Variants in NPAS3 observed in about 807,000 individuals in gnomAD.
NPAS3 encodes the protein neuronal PAS domain-containing protein 3.
A neutral mutation model predicts 73.1 loss-of-function variants in NPAS3; 14 were observed. The ratio of observed to expected loss-of-function variants is 0.19; its 90% CI spans 0.13 to 0.30. The LOEUF (loss-of-function observed/expected upper bound fraction) is 0.30. NPAS3 is among the 10% of genes least tolerant of loss of function. The pLI is 1.00. For synonymous variants in NPAS3, 620 were observed against 541.5 expected (o/e 1.14, Z -2.01); for missense variants, 1,096 against 1,250.0 (o/e 0.88, Z 1.86).
intron 3 of NPAS3, among the ~76,000 whole-genome samples, chr14:33,335,030 TTGTGTGTGTGTGCGTG>T (rs1490158511): frequency 2.1e-5 from 3 of 144,150 alleles, no homozygotes; most frequent in Non-Finnish European, 3.0e-5. Context: ...TGGTATTCCA[TTGTGTGTGTGTGCGTG>T]TGTGTGTGTG....
intron 2 of NPAS3, among the ~76,000 whole-genome samples, chr14:33,137,882 A>C (rs1239289869): frequency 3.3e-5 from 5 of 152,150 alleles, no homozygotes; most frequent in African/African-American, 1.2e-4. Flanking sequence ...TGTGAAATAG[A>C]CTAGAGATTC....
chr14:33,276,655 G>A (rs1316690788), intron 3 of NPAS3, among the ~76,000 whole-genome samples: 1 of 151,580 alleles, frequency 6.6e-6, no homozygotes, highest in African/African-American at 2.4e-5. Flanking sequence ...TAAAATGAGT[G>A]TAATAATGGC....
intron 1 of NPAS3, among the ~76,000 whole-genome samples, chr14:33,049,259 C>T (rs909703439): frequency 6.6e-6 from 1 of 152,224 alleles, no homozygotes. Flanking sequence ...TTTTACATCA[C>T]CATCTCTAAC....
At chr14:33,110,966 AG>A (rs561793733) in intron 2 of NPAS3, among the ~76,000 whole-genome samples, 36 of 152,234 alleles carry the variant, frequency 2.4e-4, no homozygotes, top group Non-Finnish European at 4.4e-4. Context: ...GGATGGAGGG[AG>A]CTAAAACTGA....
Position 33,630,730 on chromosome 14 carries a change from C to T in NPAS3, c.559-45481C>T, listed in dbSNP as rs1017775231. Among the ~76,000 whole-genome samples, 5 of 152,006 alleles carry T rather than the reference C, an allele frequency of 3.3e-5. No individual in the cohort carries two copies. The South Asian group carries it at 8.3e-4, about 25-fold the overall frequency. On this transcript the variant is annotated intron_variant, in intron 5 of 11. Coordinates refer to ENST00000356141, the Ensembl canonical transcript of NPAS3. ...TGTCAAATAATGAATCAATATATGC[C>T]CCCCCAGGATGGAGAAGGGAGGGCT...
intron 4 of NPAS3, among the ~76,000 whole-genome samples, chr14:33,530,115 A>G (rs764263858): frequency 1.3e-5 from 2 of 152,142 alleles, no homozygotes; most frequent in Non-Finnish European, 2.9e-5. Flanking sequence ...TATTTAATGC[A>G]TAAAATATGT....
intron 3 of NPAS3, among the ~76,000 whole-genome samples, chr14:33,261,457 A>T (rs1185286927): frequency 1.3e-5 from 2 of 152,174 alleles, no homozygotes; most frequent in Non-Finnish European, 2.9e-5. Context: ...GGCAATGAAC[A>T]TCCATTGTAC....
At chr14:33,436,284 A>G (rs113849493) in intron 4 of NPAS3, among the ~76,000 whole-genome samples, 9 of 152,348 alleles carry the variant, frequency 5.9e-5, no homozygotes, top group African/African-American at 2.2e-4. Flanking sequence ...CAAATTAAAC[A>G]TAGACATGTG....
At chr14:33,427,112 CAG>C (rs2048586051) in intron 4 of NPAS3, among the ~76,000 whole-genome samples, 5 of 151,968 alleles carry the variant, frequency 3.3e-5, no homozygotes. Context: ...CTTATCCTAG[CAG>C]AGAGATAGTT....
chr14:33,695,363 G>C (rs2060348410), intron 6 of NPAS3, among the ~76,000 whole-genome samples: 2 of 152,144 alleles, frequency 1.3e-5, no homozygotes, highest in Admixed American at 6.5e-5. Flanking sequence ...AGTTAGAAAA[G>C]TTTGTTTCCC....
At chr14:33,352,397 A>G (rs4982080) in intron 3 of NPAS3, among the ~76,000 whole-genome samples, 92,246 of 152,096 alleles carry the variant, frequency 0.61, 28,470 homozygotes, top group African/African-American at 0.69. Flanking sequence ...GAGATTAAAA[A>G]TTAAGATTGA....
intron 6 of NPAS3, among the ~76,000 whole-genome samples, chr14:33,699,427 A>T (rs1398907498): frequency 6.6e-6 from 1 of 152,144 alleles, no homozygotes; most frequent in South Asian, 2.1e-4. Flanking sequence ...AAGTTCTGGG[A>T]GCTCAGGAAA....
At chr14:33,190,462 C>G (rs1202977831) in intron 2 of NPAS3, among the ~76,000 whole-genome samples, 2 of 152,184 alleles carry the variant, frequency 1.3e-5, no homozygotes, top group Admixed American at 6.5e-5. Context: ...TTATATTTCT[C>G]TGTCTTGTTT....
At chr14:33,507,503 C>T (rs1331197523) in intron 4 of NPAS3, among the ~76,000 whole-genome samples, 3 of 151,850 alleles carry the variant, frequency 2.0e-5, no homozygotes, top group Non-Finnish European at 2.9e-5. Context: ...GTATTTTGTT[C>T]TCTGAATTGT....
chr14:33,182,079 A>G (rs2045818401), intron 2 of NPAS3, among the ~76,000 whole-genome samples: 1 of 152,164 alleles, frequency 6.6e-6, no homozygotes, highest in African/African-American at 2.4e-5. Context: ...TCCTTCCCCT[A>G]GATACCAGGC....
intron 1 of NPAS3, among the ~76,000 whole-genome samples, chr14:33,033,721 A>G (rs1458410592): frequency 1.3e-5 from 2 of 152,146 alleles, no homozygotes; most frequent in Non-Finnish European, 2.9e-5. Context: ...TTCCACAGCT[A>G]TATCAGTTAC....
At chr14:33,657,642 T>A (rs2059182998) in intron 5 of NPAS3, among the ~76,000 whole-genome samples, 2 of 152,220 alleles carry the variant, frequency 1.3e-5, no homozygotes, top group Admixed American at 1.3e-4. Flanking sequence ...AGTCAGGCTC[T>A]CTTTCCACTT....
chr14:33,373,127 C>T (rs1402220726), intron 4 of NPAS3, among the ~76,000 whole-genome samples: 3 of 152,080 alleles, frequency 2.0e-5, no homozygotes, highest in African/African-American at 7.2e-5. Flanking sequence ...AATGACTTTC[C>T]CTTAGGTGCC....
chr14:33,336,653 TC>T (rs2044241588), intron 3 of NPAS3, among the ~76,000 whole-genome samples: 1 of 152,184 alleles, frequency 6.6e-6, no homozygotes, highest in Non-Finnish European at 1.5e-5. Flanking sequence ...CTTAATCACA[TC>T]TGCAAAATCT....
Sources: gnomAD v4.1 joint callset for allele counts (sites outside exome capture counted in the v4.1 genomes callset) on GRCh38, gnomAD v4.1.1 for gene constraint, MANE v1.5 for transcripts, NCBI Gene and HGNC (gene_info 2026-07-23, HGNC 2026-07-21) for gene names.